Variants in INPP5F observed in about 807,000 individuals in gnomAD.
INPP5F encodes the protein inositol polyphosphate-5-phosphatase F, also known as phosphatidylinositide 4-phosphatase SAC2.
Under a neutral mutation model 137.2 loss-of-function variants are expected in INPP5F, and 97 were observed. That is an observed-to-expected ratio of 0.71 (90% CI 0.60 to 0.84). The LOEUF is 0.84. Among genes scored for constraint, INPP5F ranks in the 40% least tolerant of loss-of-function variants. The pLI, the probability that INPP5F is intolerant of heterozygous loss-of-function variation, is 0.00. For missense variants in INPP5F, 1,271 were observed against 1,371.9 expected (o/e 0.93, Z 1.16); for synonymous variants, 504 against 476.9 (o/e 1.06, Z -0.74).
At position 119,744,119 on chromosome 10, in the gene INPP5F, TTC is replaced by T. The variant is rs150843871; in HGVS notation, c.98-6955_98-6954del. The stretch of plus-strand genomic sequence containing the variant: ...ACTGTGGTTTTTGTTTTCTCTTCTA[TTC>T]TGTTTTAGTGCTATTAATGCTGATC... On this transcript the variant is annotated intron_variant, in intron 1 of 19. Coordinates refer to ENST00000650623, the MANE Select transcript of INPP5F (RefSeq NM_014937.4). Among the ~76,000 whole-genome samples the T allele has an allele frequency of 3.7e-3, 566 of 152,342 alleles. 6 individuals are homozygous for T. The highest frequency in any genetic ancestry group is 0.013 in the African/African-American group (555 of 41,580).
chr10:119,825,419 C>T (rs1373318154), intron 19 of INPP5F, among the ~76,000 whole-genome samples: 1 of 152,040 alleles, frequency 6.6e-6, no homozygotes, highest in Non-Finnish European at 1.5e-5. Context: ...TTAGGATATC[C>T]CTCTAGGTGT....
At chr10:119,757,301 C>T (rs1038517524) in intron 2 of INPP5F, among the ~76,000 whole-genome samples, 2 of 151,796 alleles carry the variant, frequency 1.3e-5, no homozygotes, top group African/African-American at 4.8e-5. Flanking sequence ...CTCCTGACCT[C>T]AGGTGATCGG....
intron 15 of INPP5F, chr10:119,818,973 A>G (rs937189479): frequency 6.6e-6 from 1 of 152,236 alleles, no homozygotes; most frequent in African/African-American, 2.4e-5. Context: ...TTTTCCTGCA[A>G]ATTACTTCTT....
intron 15 of INPP5F, among the ~76,000 whole-genome samples, chr10:119,820,465 G>A (rs918148451): frequency 5.3e-5 from 8 of 152,294 alleles, no homozygotes; most frequent in Admixed American, 4.6e-4. Context: ...ATTAGATAAT[G>A]TGAGATAGTT....
intron 4 of INPP5F, 32 bp from the exon 5 acceptor site, chr10:119,791,837 T>G: frequency 6.6e-7 from 1 of 1,517,366 alleles, no homozygotes; most frequent in Non-Finnish European, 8.9e-7. Context: ...TACATTTAAT[T>G]TCTGTAGTAA....
chr10:119,734,954 C>T (rs1226718395), intron 1 of INPP5F, among the ~76,000 whole-genome samples: 3 of 152,118 alleles, frequency 2.0e-5, no homozygotes, highest in Non-Finnish European at 4.4e-5. Context: ...ACATTTGAAT[C>T]AGTATGTTTA....
intron 1 of INPP5F, among the ~76,000 whole-genome samples, chr10:119,749,684 A>G (rs1185840859): frequency 6.6e-6 from 1 of 152,192 alleles, no homozygotes; most frequent in Non-Finnish European, 1.5e-5. Context: ...TTGTTTCCTC[A>G]TCTGTAAAGT....
At chr10:119,817,855 C>T (rs373315347) in intron 15 of INPP5F, among the ~76,000 whole-genome samples, 9 of 152,318 alleles carry the variant, frequency 5.9e-5, no homozygotes, top group African/African-American at 2.2e-4. Context: ...AAATATTGCA[C>T]CAATTGTCTT....
rs144822204 is a variant in INPP5F at position 119,827,738 on chromosome 10, A to G, written c.3357A>G (p.Lys1119=). Residue 1119 remains lysine (K), a synonymous_variant, in exon 20 of 20, where the codon AAA becomes AAG. Coordinates refer to ENST00000650623, the MANE Select transcript of INPP5F (RefSeq NM_014937.4). ...IINQVQQNEL[K]KMFIQCQTRI... is the part of the protein sequence containing the mutation. The stretch of plus-strand genomic sequence containing the variant: ...ATCAAGTCCAGCAAAATGAACTTAA[A>G]AAGATGTTTATACAATGCCAGACAC... 8.1e-5 allele frequency: 131 copies of G among 1,613,616 alleles called. No homozygotes were observed. In the African/African-American group the frequency reaches 1.2e-3, roughly 15 times the overall value.
At chr10:119,762,686 A>G (rs1002840352) in intron 2 of INPP5F, among the ~76,000 whole-genome samples, 1 of 152,238 alleles carries the variant, frequency 6.6e-6, no homozygotes, top group African/African-American at 2.4e-5. Flanking sequence ...ATATGGAAAT[A>G]TTAATACTAT....
At chr10:119,812,396 C>CA (rs1045782622) in intron 15 of INPP5F, among the ~76,000 whole-genome samples, 38 of 123,868 alleles carry the variant, frequency 3.1e-4, no homozygotes, top group African/African-American at 9.9e-4. Context: ...TTTTTTTTAA[C>CA]AAAAACCGGT....
rs1851046928 is a variant in INPP5F at position 119,811,854 on chromosome 10, C to T, written c.1785C>T (p.His595=). The T allele has an allele frequency of 1.2e-6, 2 of 1,614,036 alleles. No homozygotes were observed. Among genetic ancestry groups the T allele is most frequent in the Non-Finnish European group, 1.7e-6 (2 of 1,179,888 alleles). The part of the protein sequence containing the change: ...EALHKENQRS[H]QELISQLLQS... ...TGCATAAGGAAAATCAGAGAAGCCA[C>T]CAGGAACTAATTAGCCAGCTCTTAC... Residue 595 remains histidine, a synonymous_variant, in exon 15 of 20, where the codon CAC becomes CAT. Coordinates refer to ENST00000650623, the MANE Select transcript of INPP5F (RefSeq NM_014937.4).
rs1176178260 is a variant in INPP5F, at chr10:119,823,163, C to G, written c.2125C>G (p.Arg709Gly). 1.2e-6 allele frequency: 2 copies of G among 1,613,840 alleles called. No individual in the cohort carries two copies. Among genetic ancestry groups the G allele is most frequent in the Non-Finnish European group, 1.7e-6 (2 of 1,179,886 alleles). Residue 709 changes from arginine to glycine, a missense_variant, in exon 18 of 20, where the codon CGA becomes GGA. Arg to Gly is a moderately radical substitution (Grantham distance 125). This residue lies in a region of INPP5F where 593 missense variants were observed against 712.4 expected (regional missense o/e 0.83). Coordinates refer to ENST00000650623, the MANE Select transcript of INPP5F (RefSeq NM_014937.4). The part of the protein sequence containing the change: ...KEASGYFHTL[R>G]AVMRNPEEDG... Reference sequence around the variant, plus strand: ...AGCGAGTGGCTATTTCCACACATTGCGAGCTGTAATGCGTAATCCTGAAGA... The same window carrying G: ...AGCGAGTGGCTATTTCCACACATTGGGAGCTGTAATGCGTAATCCTGAAGA...
intron 1 of INPP5F, among the ~76,000 whole-genome samples, chr10:119,729,302 C>T (rs1847982339): frequency 6.6e-6 from 1 of 152,034 alleles, no homozygotes; most frequent in African/African-American, 2.4e-5. Context: ...TGTGCCACCT[C>T]ACCCAGCTAA....
chr10:119,805,361 CT>C, intron 10 of INPP5F, 22 bp from the exon 11 acceptor site: 2 of 1,583,690 alleles, frequency 1.3e-6, no homozygotes, highest in Non-Finnish European at 1.7e-6. Flanking sequence ...AAGATTTTTT[CT>C]TTCTTTTGGC....
chr10:119,756,636 A>AAAAAC (rs1017143637), intron 2 of INPP5F, among the ~76,000 whole-genome samples: 2 of 152,314 alleles, frequency 1.3e-5, no homozygotes, highest in African/African-American at 4.8e-5. Flanking sequence ...ACTCTGTCAA[A>AAAAAC]AAAACAAAAC....
intron 2 of INPP5F, among the ~76,000 whole-genome samples, chr10:119,768,035 AT>A (rs1183068958): frequency 2.0e-5 from 3 of 152,224 alleles, no homozygotes; most frequent in Admixed American, 6.5e-5. Flanking sequence ...TTTTCAGATT[AT>A]CTTTTTCCTT....
At chr10:119,762,708 T>A (rs527989295) in intron 2 of INPP5F, among the ~76,000 whole-genome samples, 1 of 152,344 alleles carries the variant, frequency 6.6e-6, no homozygotes, top group East Asian at 1.9e-4. Flanking sequence ...CCATTTTACA[T>A]AAGGGACTTG....
chr10:119,812,890 TG>T (rs1483570911), intron 15 of INPP5F, among the ~76,000 whole-genome samples: 1 of 151,400 alleles, frequency 6.6e-6, no homozygotes, highest in Non-Finnish European at 1.5e-5. Flanking sequence ...GTATTTTTAG[TG>T]GCAGCAATCC....
Sources: gnomAD v4.1 joint callset for allele counts (sites outside exome capture counted in the v4.1 genomes callset) on GRCh38, gnomAD v4.1.1 for gene constraint, gnomAD v4.1.1 regional missense constraint, MANE v1.5 for transcripts, NCBI Gene and HGNC (gene_info 2026-07-23, HGNC 2026-07-21) for gene names.